GRM8: variants seen among roughly 807,000 people sequenced by gnomAD.
GRM8 encodes the protein metabotropic glutamate receptor 8.
In GRM8, 47 loss-of-function variants were observed where a neutral mutation model predicts 87.2. The ratio of observed to expected loss-of-function variants is 0.54; its 90% CI spans 0.43 to 0.69. The LOEUF (loss-of-function observed/expected upper bound fraction) is 0.69. Among genes scored for constraint, GRM8 ranks in the 30% least tolerant of loss-of-function variants. The pLI is 0.00. For missense variants in GRM8, 1,019 were observed against 1,139.2 expected, an observed-to-expected ratio of 0.89 and a Z score of 1.52; for synonymous variants, 396 against 404.5, an observed-to-expected ratio of 0.98 and a Z score of 0.25.
chr7:126,640,118 G>A (rs1364111932), intron 7 of GRM8, among the ~76,000 whole-genome samples: 1 of 152,148 alleles, frequency 6.6e-6, no homozygotes, highest in African/African-American at 2.4e-5. Context: ...CTCACTTAGA[G>A]CCTAACTCAT....
chr7:126,557,152 C>G (rs1793231532), intron 8 of GRM8, among the ~76,000 whole-genome samples: 1 of 152,144 alleles, frequency 6.6e-6, no homozygotes, highest in Non-Finnish European at 1.5e-5. Context: ...CAGACACTGG[C>G]AAGTGCAGAA....
chr7:127,178,878 A>G (rs1416926153), intron 2 of GRM8, among the ~76,000 whole-genome samples: 2 of 152,172 alleles, frequency 1.3e-5, no homozygotes, highest in Non-Finnish European at 2.9e-5. Flanking sequence ...ACACATCAAA[A>G]CAGAAACTCT....
At chr7:126,642,123 T>C (rs1802465490) in intron 7 of GRM8, among the ~76,000 whole-genome samples, 1 of 152,162 alleles carries the variant, frequency 6.6e-6, no homozygotes, top group African/African-American at 2.4e-5. Context: ...AGCTCTTCAT[T>C]ATTGTTACTA....
intron 6 of GRM8, among the ~76,000 whole-genome samples, chr7:126,813,672 C>T (rs112098756): frequency 0.016 from 2,478 of 152,156 alleles, 75 homozygotes; most frequent in African/African-American, 0.056. Context: ...CTCAAGAACC[C>T]TTAACACCCT....
At chr7:126,502,629 T>A (rs1321602660) in intron 9 of GRM8, among the ~76,000 whole-genome samples, 1 of 152,074 alleles carries the variant, frequency 6.6e-6, no homozygotes, top group Non-Finnish European at 1.5e-5. Context: ...AACAATTATA[T>A]AGTACAAACT....
intron 7 of GRM8, among the ~76,000 whole-genome samples, chr7:126,617,656 G>A (rs1194973149): frequency 1.6e-4 from 24 of 150,960 alleles, no homozygotes; most frequent in South Asian, 4.2e-4. Context: ...ATCTCCTTAA[G>A]CTGATAAGCA....
chr7:127,067,572 T>C (rs1399359798), intron 3 of GRM8, among the ~76,000 whole-genome samples: 1 of 152,208 alleles, frequency 6.6e-6, no homozygotes, highest in Non-Finnish European at 1.5e-5. Flanking sequence ...TGTTTCTCTC[T>C]CTGAGACTGC....
rs5887309 is a variant in GRM8 at position 126,798,165 on chromosome 7, A to AT, written c.1157-28101dup. Among the ~76,000 whole-genome samples the AT allele has an allele frequency of 5.3e-5, 8 of 150,772 alleles. No homozygotes were observed. In the East Asian group the frequency reaches 5.9e-4, roughly 11 times the overall value. On this transcript the variant is annotated intron_variant, in intron 6 of 10. Coordinates refer to ENST00000339582, the MANE Select transcript of GRM8 (RefSeq NM_000845.3). ...TATATTGGGATTAATACCTTAGAGC[A>AT]TTTTTTTTTTCCATTGTGTAGTGTG...
At chr7:126,696,999 A>C (rs990750052) in intron 7 of GRM8, among the ~76,000 whole-genome samples, 3 of 152,200 alleles carry the variant, frequency 2.0e-5, no homozygotes, top group Non-Finnish European at 4.4e-5. Context: ...GAATGGATAA[A>C]GAAAATGCAT....
intron 2 of GRM8, among the ~76,000 whole-genome samples, chr7:127,181,435 A>G (rs1228928760): frequency 6.6e-6 from 1 of 152,154 alleles, no homozygotes; most frequent in African/African-American, 2.4e-5. Flanking sequence ...AGCAATCTAT[A>G]CATTCAACAC....
intron 9 of GRM8, among the ~76,000 whole-genome samples, chr7:126,491,566 C>T (rs1377967870): frequency 2.0e-5 from 3 of 151,880 alleles, no homozygotes; most frequent in South Asian, 2.1e-4. Flanking sequence ...ATTTTCATAC[C>T]GTTAGAAGTA....
At chr7:126,453,422 T>C (rs1335992331) in intron 9 of GRM8, among the ~76,000 whole-genome samples, 2 of 151,682 alleles carry the variant, frequency 1.3e-5, no homozygotes, top group East Asian at 2.0e-4. Context: ...AAGCTACGAA[T>C]AAAGAATTGT....
chr7:127,103,970 T>A (rs1825574847), intron 3 of GRM8, among the ~76,000 whole-genome samples: 1 of 152,130 alleles, frequency 6.6e-6, no homozygotes, highest in Non-Finnish European at 1.5e-5. Context: ...AAGGACACTT[T>A]CCCAAGTCTG....
At chr7:126,789,277 A>G (rs1340297498) in intron 6 of GRM8, among the ~76,000 whole-genome samples, 1 of 151,638 alleles carries the variant, frequency 6.6e-6, no homozygotes, top group African/African-American at 2.4e-5. Flanking sequence ...AGTAATTACT[A>G]TTCTGTGGAA....
At chr7:126,845,413 A>C (rs1258354460) in intron 6 of GRM8, among the ~76,000 whole-genome samples, 3 of 152,320 alleles carry the variant, frequency 2.0e-5, no homozygotes, top group Admixed American at 1.3e-4. Flanking sequence ...GCCTTAGCTC[A>C]ACCTAGGCCA....
chr7:126,735,479 G>A (rs567341666), intron 7 of GRM8, among the ~76,000 whole-genome samples: 1 of 152,098 alleles, frequency 6.6e-6, no homozygotes, highest in African/African-American at 2.4e-5. Context: ...AAATTGATCT[G>A]TTACTATTAT....
chr7:126,684,800 T>A (rs1394636676), intron 7 of GRM8, among the ~76,000 whole-genome samples: 2 of 152,202 alleles, frequency 1.3e-5, no homozygotes, highest in Non-Finnish European at 2.9e-5. Context: ...TGTATTTTGT[T>A]TGTATTATTT....
intron 9 of GRM8, among the ~76,000 whole-genome samples, chr7:126,513,313 T>G (rs534350350): frequency 6.6e-6 from 1 of 152,162 alleles, no homozygotes; most frequent in Admixed American, 6.6e-5. Flanking sequence ...GGGTATTTTT[T>G]TTTTAAGAAT....
At chr7:126,499,905 A>G (rs1207912994) in intron 9 of GRM8, among the ~76,000 whole-genome samples, 2 of 52,114 alleles carry the variant, frequency 3.8e-5, no homozygotes, top group African/African-American at 3.3e-4. Context: ...ACTGTATTCT[A>G]TATATACAAT....
Sources: gnomAD v4.1 joint callset for allele counts (sites outside exome capture counted in the v4.1 genomes callset) on GRCh38, gnomAD v4.1.1 for gene constraint, MANE v1.5 for transcripts, NCBI Gene and HGNC (gene_info 2026-07-23, HGNC 2026-07-21) for gene names.